HCRTR2: variants seen among roughly 807,000 people sequenced by gnomAD.
The protein encoded by HCRTR2 is orexin receptor type 2.
In HCRTR2, 22 loss-of-function variants were observed where a neutral mutation model predicts 49.0. The observed-to-expected ratio is 0.45, with a 90% confidence interval of 0.32 to 0.64. The LOEUF (loss-of-function observed/expected upper bound fraction) is 0.64. Among genes scored for constraint, HCRTR2 ranks in the 30% least tolerant of loss-of-function variants. HCRTR2 has a pLI of 0.04. For synonymous variants in HCRTR2, 236 were observed against 205.3 expected, an observed-to-expected ratio of 1.15 and a Z score of -1.28; for missense variants, 491 against 559.4, an observed-to-expected ratio of 0.88 and a Z score of 1.23.
At chr6:55,278,242 T>C (rs1024337949) in intron 5 of HCRTR2, among the ~76,000 whole-genome samples, 2 of 152,176 alleles carry the variant, frequency 1.3e-5, no homozygotes, top group African/African-American at 4.8e-5. Flanking sequence ...TTTTGACCCA[T>C]GACATGAGCA....
intron 1 of HCRTR2, among the ~76,000 whole-genome samples, chr6:55,155,903 T>C (rs1408696901): frequency 6.6e-6 from 1 of 151,946 alleles, no homozygotes; most frequent in Non-Finnish European, 1.5e-5. Flanking sequence ...ATGACTAATT[T>C]TGTGACCATT....
At chr6:55,160,134 A>T (rs944066272) in intron 1 of HCRTR2, among the ~76,000 whole-genome samples, 1 of 152,202 alleles carries the variant, frequency 6.6e-6, no homozygotes, top group African/African-American at 2.4e-5. Context: ...CTAACAGTGG[A>T]TCTCCCTGCA....
intron 1 of HCRTR2, among the ~76,000 whole-genome samples, chr6:55,191,603 C>T (rs1233703091): frequency 1.3e-5 from 2 of 152,010 alleles, no homozygotes. Context: ...TCATAAATGT[C>T]AGGAGTTATT....
intron 1 of HCRTR2, among the ~76,000 whole-genome samples, chr6:55,187,677 T>TTGA (rs1765244466): frequency 7.3e-6 from 1 of 137,772 alleles, no homozygotes; most frequent in Non-Finnish European, 1.5e-5. Context: ...GGGCTATTAT[T>TTGA]TGATCTTTTT....
intron 1 of HCRTR2, among the ~76,000 whole-genome samples, chr6:55,111,168 A>ATGG (rs538076211): frequency 5.9e-4 from 89 of 151,508 alleles, no homozygotes; most frequent in Admixed American, 2.1e-3. Context: ...ATACAGCAAA[A>ATGG]TGGTGCTAAG....
chr6:55,122,781 G>A (rs982576900), intron 1 of HCRTR2, among the ~76,000 whole-genome samples: 3 of 152,002 alleles, frequency 2.0e-5, no homozygotes, highest in Admixed American at 1.3e-4. Context: ...GGAATACTAT[G>A]CAGCCATAAA....
At chr6:55,265,554 C>T in intron 4 of HCRTR2, among the ~76,000 whole-genome samples, 2 of 152,110 alleles carry the variant, frequency 1.3e-5, no homozygotes, top group East Asian at 3.9e-4. Context: ...TATGAACCGG[C>T]ATGTGTTACA....
intron 1 of HCRTR2, among the ~76,000 whole-genome samples, chr6:55,195,297 G>C (rs1039655492): frequency 4.6e-5 from 7 of 152,080 alleles, no homozygotes; most frequent in Non-Finnish European, 7.4e-5. Context: ...ACAACTTGAG[G>C]ACTGACAAAG....
At chr6:55,148,604 G>A (rs1764625146) in intron 1 of HCRTR2, among the ~76,000 whole-genome samples, 1 of 152,126 alleles carries the variant, frequency 6.6e-6, no homozygotes, top group African/African-American at 2.4e-5. Context: ...GAAACTCTGG[G>A]ATGTGTTGGG....
intron 1 of HCRTR2, among the ~76,000 whole-genome samples, chr6:55,149,992 C>A (rs1764642443): frequency 6.6e-6 from 1 of 151,886 alleles, no homozygotes; most frequent in Non-Finnish European, 1.5e-5. Flanking sequence ...ATTAAAGATT[C>A]TATCTTTTAC....
At position 55,254,326 on chromosome 6, in the gene HCRTR2, G is replaced by A. The variant is rs574814193; in HGVS notation, c.403-810G>A. 6.6e-5 allele frequency among the ~76,000 whole-genome samples: 10 copies of A among 152,252 alleles called. 1 individual carries two copies. Among genetic ancestry groups the A allele is most frequent in the Admixed American group, 2.6e-4 (4 of 15,278 alleles). On this transcript the variant is annotated intron_variant, in intron 2 of 6. Coordinates refer to ENST00000370862, the MANE Select transcript of HCRTR2 (RefSeq NM_001384272.1). ...AGAATCAATATTTCATCCAGTATAA[G>A]AGAGCACATTGAACATAATTACATT...
rs1267943730 is a variant in HCRTR2, at chr6:55,255,386, A to G, written c.646+7A>G. 1.9e-6 allele frequency: 3 copies of G among 1,613,840 alleles called. No individual in the cohort carries two copies. In the East Asian group the frequency reaches 6.7e-5, roughly 36 times the overall value. On this transcript the variant is annotated splice_region_variant and intron_variant, in intron 3 of 6. Transcript: ENST00000370862. ...TGTGATGAGCGCTGGGGTGGTAAGT[A>G]CCTTATGGCCCATCAACTGACATTT...
At chr6:55,179,640 T>C (rs748759231) in intron 1 of HCRTR2, among the ~76,000 whole-genome samples, 4 of 152,184 alleles carry the variant, frequency 2.6e-5, no homozygotes, top group Non-Finnish European at 5.9e-5. Flanking sequence ...TGAAAAAATA[T>C]ATTTGGGAAA....
intron 3 of HCRTR2, among the ~76,000 whole-genome samples, chr6:55,255,666 C>T (rs781439340): frequency 5.9e-5 from 9 of 152,022 alleles, no homozygotes; most frequent in Non-Finnish European, 1.2e-4. Flanking sequence ...TTTAGTTTTT[C>T]TTAAACTCTT....
chr6:55,243,973 A>C (rs1292148670), intron 1 of HCRTR2, among the ~76,000 whole-genome samples: 2 of 152,084 alleles, frequency 1.3e-5, no homozygotes, highest in African/African-American at 4.8e-5. Flanking sequence ...ACAGTTTTGG[A>C]TACTATTTAA....
chr6:55,265,422 G>A (rs977745467), intron 4 of HCRTR2, among the ~76,000 whole-genome samples: 3 of 152,138 alleles, frequency 2.0e-5, no homozygotes, highest in Non-Finnish European at 4.4e-5. Flanking sequence ...GGGGCACTGT[G>A]CTCCATTTGT....
intron 1 of HCRTR2, among the ~76,000 whole-genome samples, chr6:55,245,504 T>TA (rs1171708571): frequency 9.4e-6 from 1 of 106,768 alleles, no homozygotes; most frequent in African/African-American, 3.3e-5. Context: ...TATATATATA[T>TA]ATCTTCCCCA....
At chr6:55,152,899 C>A (rs546019787) in intron 1 of HCRTR2, among the ~76,000 whole-genome samples, 2 of 152,042 alleles carry the variant, frequency 1.3e-5, no homozygotes, top group African/African-American at 4.8e-5. Context: ...GCACAAAAAA[C>A]CCCAATTGTC....
intron 3 of HCRTR2, among the ~76,000 whole-genome samples, chr6:55,257,238 T>C (rs1040549707): frequency 2.6e-5 from 4 of 152,030 alleles, no homozygotes; most frequent in African/African-American, 4.8e-5. Flanking sequence ...TTTACACTGG[T>C]TTATATTTAG....
Sources: gnomAD v4.1 joint callset for allele counts (sites outside exome capture counted in the v4.1 genomes callset) on GRCh38, gnomAD v4.1.1 for gene constraint, MANE v1.5 for transcripts, NCBI Gene and HGNC (gene_info 2026-07-23, HGNC 2026-07-21) for gene names.